The following CSMD1 variants were observed in gnomAD, a reference collection of about 807,000 sequenced individuals.
The protein encoded by CSMD1 is CUB and sushi domain-containing protein 1.
CSMD1 carries 213 observed loss-of-function variants against 417.5 expected under a neutral mutation model. The observed-to-expected ratio is 0.51, with a 90% CI of 0.46 to 0.57. The LOEUF (loss-of-function observed/expected upper bound fraction) is 0.57. Among genes scored for constraint, CSMD1 ranks in the 20% least tolerant of loss-of-function variants. The probability of loss-of-function intolerance (pLI) is 0.00; values close to 1 mark genes in which losing one functional copy is unlikely to be tolerated. For synonymous variants in CSMD1, 2,862 were observed against 1,736.8 expected (o/e 1.65, Z -16.11); for missense variants, 6,923 against 4,529.7 (o/e 1.53, Z -15.17).
chr8:3,672,618 G>A (rs73183314), intron 7 of CSMD1, among the ~76,000 whole-genome samples: 22,355 of 152,204 alleles, frequency 0.15, 1,977 homozygotes, highest in South Asian at 0.22. Flanking sequence ...TACTCTTGAA[G>A]GTATTTACTT....
chr8:4,984,770 C>A (rs1440534312), intron 1 of CSMD1, among the ~76,000 whole-genome samples: 1 of 152,126 alleles, frequency 6.6e-6, no homozygotes, highest in Non-Finnish European at 1.5e-5. Context: ...GAAGGAAAAA[C>A]CCCCAGATTC....
intron 7 of CSMD1, among the ~76,000 whole-genome samples, chr8:3,683,687 C>T (rs1799787412): frequency 6.6e-6 from 1 of 152,018 alleles, no homozygotes; most frequent in African/African-American, 2.4e-5. Context: ...ATCTCTTTTC[C>T]ACACTAGACA....
At chr8:3,270,327 A>C (rs1463075733) in intron 26 of CSMD1, among the ~76,000 whole-genome samples, 1 of 152,144 alleles carries the variant, frequency 6.6e-6, no homozygotes, top group Non-Finnish European at 1.5e-5. Flanking sequence ...AAGTCCTGGG[A>C]TTACAGGCAT....
intron 3 of CSMD1, among the ~76,000 whole-genome samples, chr8:4,288,738 C>G (rs1042159786): frequency 1.3e-5 from 2 of 152,168 alleles, no homozygotes; most frequent in East Asian, 1.9e-4. Flanking sequence ...TCCAAGATCT[C>G]TCAGATGGTC....
chr8:4,925,825 G>A (rs964542779), intron 1 of CSMD1, among the ~76,000 whole-genome samples: 8 of 152,124 alleles, frequency 5.3e-5, no homozygotes, highest in African/African-American at 1.2e-4. Context: ...GGGATTACAG[G>A]CGTGAGCCCT....
chr8:4,797,983 C>G (rs1306846594), intron 1 of CSMD1, among the ~76,000 whole-genome samples: 1 of 152,170 alleles, frequency 6.6e-6, no homozygotes, highest in Admixed American at 6.5e-5. Context: ...TGCATCTATG[C>G]AAAATTATTC....
intron 26 of CSMD1, 59 bp downstream of exon 26, chr8:3,284,085 C>G (rs573245859): frequency 9.3e-6 from 12 of 1,286,798 alleles, no homozygotes; most frequent in Admixed American, 2.0e-5. Context: ...GGAGGGAGAT[C>G]TGTGTTCATG....
At chr8:4,655,292 T>C (rs779286621) in intron 1 of CSMD1, among the ~76,000 whole-genome samples, 2 of 152,130 alleles carry the variant, frequency 1.3e-5, no homozygotes, top group South Asian at 4.1e-4. Context: ...GCTGCTATCC[T>C]GGCTGCCTGG....
At chr8:3,139,664 G>C (rs982586916) in intron 41 of CSMD1, among the ~76,000 whole-genome samples, 2 of 152,084 alleles carry the variant, frequency 1.3e-5, no homozygotes, top group African/African-American at 2.4e-5. Flanking sequence ...GAAGACAAGA[G>C]GTCCAAGGTA....
At chr8:4,255,326 G>A (rs1002962874) in intron 3 of CSMD1, among the ~76,000 whole-genome samples, 3 of 152,170 alleles carry the variant, frequency 2.0e-5, no homozygotes, top group African/African-American at 7.2e-5. Flanking sequence ...GAGGGGAGCT[G>A]TTAATATCTG....
At chr8:3,335,567 C>T (rs1364254960) in intron 23 of CSMD1, among the ~76,000 whole-genome samples, 1 of 152,100 alleles carries the variant, frequency 6.6e-6, no homozygotes, top group Non-Finnish European at 1.5e-5. Flanking sequence ...ATCCCAGCTA[C>T]TAGGGAGGCT....
At chr8:4,083,506 G>C (rs1432947926) in intron 3 of CSMD1, among the ~76,000 whole-genome samples, 1 of 152,142 alleles carries the variant, frequency 6.6e-6, no homozygotes, top group African/African-American at 2.4e-5. Context: ...TAGATCAATG[G>C]AACAGAACAC....
At chr8:3,401,435 T>A (rs988755221) in intron 15 of CSMD1, among the ~76,000 whole-genome samples, 2 of 152,182 alleles carry the variant, frequency 1.3e-5, no homozygotes, top group Non-Finnish European at 1.5e-5. Context: ...AGAACCTGAA[T>A]TGCTTTATCC....
At chr8:3,210,795 T>A (rs942279934) in intron 30 of CSMD1, among the ~76,000 whole-genome samples, 1 of 151,712 alleles carries the variant, frequency 6.6e-6, no homozygotes, top group African/African-American at 2.4e-5. Flanking sequence ...TTTCTATGGC[T>A]AAAGTTTTAT....
At chr8:4,465,245 G>T (rs947022671) in intron 2 of CSMD1, among the ~76,000 whole-genome samples, 1 of 152,138 alleles carries the variant, frequency 6.6e-6, no homozygotes, top group Non-Finnish European at 1.5e-5. Flanking sequence ...TTGAGTATGT[G>T]TCTCTTTCAT....
At chr8:4,926,313 A>G (rs892957282) in intron 1 of CSMD1, among the ~76,000 whole-genome samples, 5 of 152,212 alleles carry the variant, frequency 3.3e-5, no homozygotes, top group Admixed American at 6.5e-5. Context: ...AGGAAGAAAT[A>G]AAACACCTAT....
intron 1 of CSMD1, among the ~76,000 whole-genome samples, chr8:4,812,750 G>T (rs1798979154): frequency 1.3e-5 from 2 of 152,098 alleles, no homozygotes; most frequent in African/African-American, 4.8e-5. Flanking sequence ...AAAGCATCTG[G>T]AAAAGACCTT....
chr8:3,315,566 C>A (rs1034537801), intron 23 of CSMD1, among the ~76,000 whole-genome samples: 1 of 151,940 alleles, frequency 6.6e-6, no homozygotes, highest in Non-Finnish European at 1.5e-5. Flanking sequence ...TTAATTCATT[C>A]AATTTTTCCC....
chr8:4,678,624 C>A (rs539777235), intron 1 of CSMD1, among the ~76,000 whole-genome samples: 2 of 152,082 alleles, frequency 1.3e-5, no homozygotes, highest in African/African-American at 2.4e-5. Flanking sequence ...TACATTACTA[C>A]TAAAAACATG....
Sources: gnomAD v4.1 joint callset for allele counts (sites outside exome capture counted in the v4.1 genomes callset) on GRCh38, gnomAD v4.1.1 for gene constraint, MANE v1.5 for transcripts, NCBI Gene and HGNC (gene_info 2026-07-23, HGNC 2026-07-21) for gene names.